The following ANTXR1 variants were observed in gnomAD, a reference collection of about 807,000 sequenced individuals.
ANTXR1 encodes ANTXR cell adhesion molecule 1, also known as anthrax toxin receptor 1.
ANTXR1 carries 19 observed loss-of-function variants against 78.1 expected under a neutral mutation model. That is an observed-to-expected ratio of 0.24 (90% CI 0.17 to 0.36). The LOEUF is 0.36. ANTXR1 is among the 10% of genes least tolerant of loss of function. The pLI is 1.00. For synonymous variants in ANTXR1, 273 were observed against 260.5 expected (o/e 1.05, Z -0.46); for missense variants, 518 against 718.6 (o/e 0.72, Z 3.19).
chr2:69,182,587 T>C lies in ANTXR1; in HGVS notation c.1280T>C (p.Phe427Ser), dbSNP rs1292193334. The C allele has an allele frequency of 6.2e-7, 1 of 1,614,124 alleles. No individual in the cohort carries two copies. The highest frequency in any genetic ancestry group is 1.1e-5 in the South Asian group (1 of 91,084). ...AAGATGCCGGAGCAGGAATATGAATTCCCTGAGCCGCGAAATCTCAACAAC... is the reference window on the plus strand; with the variant it reads ...AAGATGCCGGAGCAGGAATATGAATCCCCTGAGCCGCGAAATCTCAACAAC... ...RVKMPEQEYE[F>S]PEPRNLNNNM... Residue 427 changes from phenylalanine (F) to serine (S), a missense_variant, in exon 16 of 18, where the codon TTC becomes TCC. Transcript: ENST00000303714.
intron 14 of ANTXR1, chr2:69,172,437 G>T (rs1355164598): frequency 6.3e-7 from 1 of 1,595,504 alleles, no homozygotes; most frequent in African/African-American, 1.3e-5. Flanking sequence ...AACACAGCCC[G>T]TGCAACGTAT....
At chr2:69,104,935 A>C (rs536058513) in intron 10 of ANTXR1, among the ~76,000 whole-genome samples, 3 of 152,318 alleles carry the variant, frequency 2.0e-5, no homozygotes, top group South Asian at 2.1e-4. Flanking sequence ...AATACAAAAA[A>C]TTAACTGGGC....
chr2:69,119,170 G>GA (rs1189046773), intron 10 of ANTXR1, among the ~76,000 whole-genome samples: 1 of 152,194 alleles, frequency 6.6e-6, no homozygotes, highest in Non-Finnish European at 1.5e-5. Context: ...GGAGGAAGGA[G>GA]AGAGGAGTTG....
At chr2:69,043,808 T>C (rs975862137) in intron 2 of ANTXR1, among the ~76,000 whole-genome samples, 2 of 152,050 alleles carry the variant, frequency 1.3e-5, no homozygotes, top group African/African-American at 4.8e-5. Context: ...GCTAGGAAAT[T>C]GTAGTGGTCA....
rs1670942461 is a variant in ANTXR1, at chr2:69,013,822, C to T, written c.152+171C>T. ...TGCTGCGCCTTTGTTGGGGCGCGCTCCTCCCAGCCTCGGCTCCAGAGCCCG... is the reference window on the plus strand; with the variant it reads ...TGCTGCGCCTTTGTTGGGGCGCGCTTCTCCCAGCCTCGGCTCCAGAGCCCG... On this transcript the variant is annotated intron_variant, in intron 1 of 17. Transcript: ENST00000303714. This position sits in a 1 kb window ranked among gnomAD's most constrained non-coding sequence, Gnocchi z 5.0. 6.6e-6 allele frequency among the ~76,000 whole-genome samples: 1 copy of T among 152,212 alleles called. No individual in the cohort carries two copies. The highest frequency in any genetic ancestry group is 1.5e-5 in the Non-Finnish European group (1 of 68,040).
chr2:69,160,915 G>A (rs1031122673), intron 13 of ANTXR1, among the ~76,000 whole-genome samples: 4 of 152,304 alleles, frequency 2.6e-5, no homozygotes, highest in African/African-American at 9.6e-5. Context: ...GAACGCTGAA[G>A]CAGCTAAAAG....
intron 1 of ANTXR1, among the ~76,000 whole-genome samples, chr2:69,027,105 G>GA (rs1671367605): frequency 6.6e-6 from 1 of 152,144 alleles, no homozygotes. Flanking sequence ...GTCGAGTGGG[G>GA]ACCTGAGAGA....
intron 17 of ANTXR1, among the ~76,000 whole-genome samples, chr2:69,231,146 T>G (rs1273311176): frequency 6.6e-6 from 1 of 152,256 alleles, no homozygotes; most frequent in Non-Finnish European, 1.5e-5. Flanking sequence ...CTCATTCTTT[T>G]TTATGGCTGC....
chr2:69,039,934 T>C, intron 1 of ANTXR1, 110 bp from the exon 2 acceptor site: 1 of 851,088 alleles, frequency 1.2e-6, no homozygotes, highest in Non-Finnish European at 2.0e-6. Flanking sequence ...AAGTAATGAG[T>C]CCAGTTATTG....
At position 69,013,423 on chromosome 2, in the gene ANTXR1, T is replaced by C; in HGVS notation, c.-77T>C. On this transcript the variant is annotated 5_prime_UTR_variant, in exon 1 of 18. The change abolishes an upstream ATG in the 5' untranslated region. Transcript: ENST00000303714. The surrounding 1 kb of genome is among the most constrained non-coding windows in gnomAD (Gnocchi z 5.0). ...GGACCCGCGAGGAAGGGCCCGCGGA[T>C]GGCGCGTCCCTGAGGGTCGTGGCGA... The C allele has an allele frequency of 1.3e-6, 2 of 1,557,756 alleles. No individual in the cohort carries two copies. Among genetic ancestry groups the C allele is most frequent in the Non-Finnish European group, 1.7e-6 (2 of 1,150,232 alleles).
At position 69,137,463 on chromosome 2, in the gene ANTXR1, T is replaced by A. The variant is rs148863919; in HGVS notation, c.951+12820T>A. 2.3e-4 allele frequency among the ~76,000 whole-genome samples: 35 copies of A among 152,278 alleles called. No homozygotes were observed. In the East Asian group the frequency reaches 6.2e-3, roughly 27 times the overall value. On this transcript the variant is annotated intron_variant, in intron 12 of 17. Coordinates refer to ENST00000303714, the MANE Select transcript of ANTXR1 (RefSeq NM_032208.3). The stretch of plus-strand genomic sequence containing the variant: ...CCACCTCCTGGGTTATTGAGGCTAT[T>A]CCAGATAGTCTTTTGGGTTGAGCAC...
intron 1 of ANTXR1, among the ~76,000 whole-genome samples, chr2:69,031,488 C>T (rs1671529377): frequency 2.0e-5 from 3 of 152,214 alleles, no homozygotes; most frequent in Admixed American, 6.5e-5. Flanking sequence ...CCTCTGCCCA[C>T]CCTCACTGCA....
At chr2:69,016,486 C>CAG (rs144127822) in intron 1 of ANTXR1, among the ~76,000 whole-genome samples, 4,303 of 152,230 alleles carry the variant, frequency 0.028, 131 homozygotes, top group East Asian at 0.11. Context: ...ATGTGTCTAA[C>CAG]AGCAGTGGAT....
intron 17 of ANTXR1, among the ~76,000 whole-genome samples, chr2:69,236,188 G>C (rs951291220): frequency 5.9e-5 from 9 of 152,074 alleles, no homozygotes; most frequent in African/African-American, 2.2e-4. Context: ...TCTATAAAGA[G>C]CTCTTACAAA....
intron 17 of ANTXR1, among the ~76,000 whole-genome samples, chr2:69,198,212 A>G (rs965758126): frequency 6.6e-6 from 1 of 152,224 alleles, no homozygotes; most frequent in African/African-American, 2.4e-5. Flanking sequence ...CCTTCAAAAG[A>G]TTATACAAAT....
In ANTXR1 at chr2:69,100,942, A is replaced by G. The variant is rs898483581; in HGVS notation, c.704-1900A>G. ...CAACGTGTATGTATAAATCCTTCAT[A>G]GTCATAGGACTTATGCTCCTGAAAA... On this transcript the variant is annotated intron_variant, in intron 9 of 17. Transcript: ENST00000303714. 3.9e-5 allele frequency among the ~76,000 whole-genome samples: 6 copies of G among 152,194 alleles called. No individual in the cohort carries two copies. The East Asian group carries it at 1.2e-3, about 29-fold the overall frequency.
chr2:69,158,798 G>C (rs1481421405), intron 13 of ANTXR1, among the ~76,000 whole-genome samples: 1 of 152,176 alleles, frequency 6.6e-6, no homozygotes, highest in Non-Finnish European at 1.5e-5. Flanking sequence ...CGTTCACTAG[G>C]TTAGCTATAT....
intron 8 of ANTXR1, among the ~76,000 whole-genome samples, chr2:69,079,775 G>C (rs1299654082): frequency 6.6e-6 from 1 of 152,232 alleles, no homozygotes; most frequent in Non-Finnish European, 1.5e-5. Context: ...CCTGCCTTAA[G>C]ATGGCTAGAT....
At chr2:69,146,134 T>C in intron 12 of ANTXR1, 1 of 985,474 alleles carries the variant, frequency 1.0e-6, no homozygotes, top group Non-Finnish European at 1.2e-6. Flanking sequence ...GCCTTCGTAT[T>C]GAATGTTGCC....
Sources: allele counts gnomAD v4.1 joint callset (sites outside exome capture counted in the v4.1 genomes callset), GRCh38; gene constraint gnomAD v4.1.1; non-coding constraint Gnocchi (gnomAD v3.1); transcripts MANE v1.5; gene names NCBI Gene and HGNC (gene_info 2026-07-23, HGNC 2026-07-21).